SAMSN1: variants seen among roughly 807,000 people sequenced by gnomAD.
SAMSN1 encodes the protein SAM domain-containing protein SAMSN-1.
In SAMSN1, 31 loss-of-function variants were observed where a neutral mutation model predicts 42.0. The ratio of observed to expected loss-of-function variants is 0.74; its 90% CI spans 0.55 to 1.00. The LOEUF (loss-of-function observed/expected upper bound fraction) is 1.00. Ranked by LOEUF, SAMSN1 falls within the 50% of genes least tolerant of loss-of-function variation. SAMSN1 has a pLI of 0.00. For missense variants in SAMSN1, 464 were observed against 439.4 expected (o/e 1.06, Z -0.50); for synonymous variants, 178 against 151.9 (o/e 1.17, Z -1.26).
intron 2 of SAMSN1, among the ~76,000 whole-genome samples, chr21:14,622,983 A>C (rs1395632447): frequency 6.6e-6 from 1 of 152,256 alleles, no homozygotes; most frequent in African/African-American, 2.4e-5. Context: ...CTTAAAGAAA[A>C]GAATTTTCAA....
At chr21:14,493,781 AC>A (rs1986796501) in intron 7 of SAMSN1, among the ~76,000 whole-genome samples, 2 of 152,158 alleles carry the variant, frequency 1.3e-5, no homozygotes, top group South Asian at 4.2e-4. Context: ...TCTCCCTATA[AC>A]CTTATCTAGA....
rs376140858 is a variant in SAMSN1 at position 14,616,809 on chromosome 21, GA to G, written c.157-794del. Among the ~76,000 whole-genome samples, 116 of 152,220 alleles carry G rather than the reference GA, an allele frequency of 7.6e-4. 1 individual carries two copies. In the South Asian group the frequency reaches 8.1e-3, roughly 11 times the overall value. ...CAACGAATATTCCACTTTTGAGGGG[GA>G]AAAACACAAATGCTAAGGCTAAAAG... On this transcript the variant is annotated intron_variant, in intron 2 of 15. Coordinates refer to the SAMSN1 transcript ENST00000647101.
intron 5 of SAMSN1, among the ~76,000 whole-genome samples, chr21:14,509,397 T>G: frequency 6.6e-6 from 1 of 152,150 alleles, no homozygotes. Context: ...TTTGGGGACT[T>G]GGGGAAAGGG....
At chr21:14,611,534 A>G (rs543965812) in intron 4 of SAMSN1, among the ~76,000 whole-genome samples, 1 of 152,356 alleles carries the variant, frequency 6.6e-6, no homozygotes, top group South Asian at 2.1e-4. Flanking sequence ...ATCATCAAGA[A>G]CTGTGTTAGG....
At chr21:14,550,173 G>C (rs1299933983), upstream of SAMSN1, among the ~76,000 whole-genome samples, 1 of 151,962 alleles carries the variant, frequency 6.6e-6, no homozygotes, top group African/African-American at 2.4e-5. Flanking sequence ...TATTCCCCCT[G>C]GCCTATGGGA....
rs191310090 is a variant in SAMSN1, at chr21:14,622,317, C to T, written c.157-6301G>A. Among the ~76,000 whole-genome samples, 59 of 152,298 alleles carry T rather than the reference C, an allele frequency of 3.9e-4. 1 individual carries two copies. The highest frequency in any genetic ancestry group is 1.4e-3 in the African/African-American group (57 of 41,570). On this transcript the variant is annotated intron_variant, in intron 2 of 15. Coordinates refer to the SAMSN1 transcript ENST00000647101. Reference sequence around the variant, plus strand: ...GAGAAGAAGGCTTCAGATGATCAAACTTCTCCGAGCTAAAGGAAGAAGTTT... The same window carrying T: ...GAGAAGAAGGCTTCAGATGATCAAATTTCTCCGAGCTAAAGGAAGAAGTTT...
At chr21:14,617,022 A>G (rs559076680) in intron 2 of SAMSN1, among the ~76,000 whole-genome samples, 1 of 152,190 alleles carries the variant, frequency 6.6e-6, no homozygotes, top group East Asian at 1.9e-4. Flanking sequence ...TGAATTTTTT[A>G]TTTTCCTAGT....
intron 2 of SAMSN1, among the ~76,000 whole-genome samples, chr21:14,574,903 T>C (rs1981410768): frequency 6.6e-6 from 1 of 152,200 alleles, no homozygotes. Context: ...AAAATGTGTT[T>C]GCATGTCTGG....
intron 3 of SAMSN1, 86 bp from the exon 4 acceptor site, chr21:14,512,659 T>C (rs1296544826): frequency 1.9e-5 from 24 of 1,231,530 alleles, no homozygotes; most frequent in Non-Finnish European, 2.7e-5. Context: ...TAGACACATA[T>C]TTTAGCAATA....
intron 6 of SAMSN1, among the ~76,000 whole-genome samples, chr21:14,594,430 G>A (rs2123281268): frequency 6.6e-6 from 1 of 152,228 alleles, no homozygotes; most frequent in Admixed American, 6.6e-5. Flanking sequence ...AAGGGTTGGT[G>A]GAAAGGGGGG....
At chr21:14,486,818 A>G (rs1260075130) in intron 7 of SAMSN1, among the ~76,000 whole-genome samples, 1 of 152,164 alleles carries the variant, frequency 6.6e-6, no homozygotes, top group African/African-American at 2.4e-5. Context: ...TTATTTTCAG[A>G]TTGATAATTC....
At chr21:14,500,340 A>G (rs1483322189) in intron 6 of SAMSN1, among the ~76,000 whole-genome samples, 189 bp downstream of exon 6, 2 of 152,184 alleles carry the variant, frequency 1.3e-5, no homozygotes, top group African/African-American at 4.8e-5. Flanking sequence ...AGTCCAAGGG[A>G]TATTATATCA....
At chr21:14,542,801 G>C (rs1250463600) in intron 1 of SAMSN1, among the ~76,000 whole-genome samples, 2 of 152,098 alleles carry the variant, frequency 1.3e-5, no homozygotes, top group African/African-American at 4.8e-5. Flanking sequence ...AAAATTAGCT[G>C]GGCTGGTGGC....
chr21:14,566,789 C>T (rs559995212), intron 2 of SAMSN1, among the ~76,000 whole-genome samples: 8 of 152,086 alleles, frequency 5.3e-5, no homozygotes, highest in Non-Finnish European at 1.2e-4. Context: ...CTGCCCACCT[C>T]GGCCTCCCAA....
chr21:14,553,580 G>C (rs771998642), intron 2 of SAMSN1, among the ~76,000 whole-genome samples: 2 of 152,026 alleles, frequency 1.3e-5, no homozygotes, highest in Admixed American at 6.6e-5. Context: ...CTTTTTGTCT[G>C]TTCTCTCATT....
At chr21:14,577,284 A>ATATATATTT (rs1460040142) in intron 2 of SAMSN1, among the ~76,000 whole-genome samples, 5 of 53,860 alleles carry the variant, frequency 9.3e-5, no homozygotes, top group South Asian at 6.3e-4. Context: ...ATATATATAT[A>ATATATATTT]TTTTTTTTTT....
intron 2 of SAMSN1, among the ~76,000 whole-genome samples, chr21:14,563,029 G>A (rs1980995894): frequency 6.6e-6 from 1 of 152,060 alleles, no homozygotes; most frequent in Non-Finnish European, 1.5e-5. Flanking sequence ...AATTGAGTAT[G>A]TTTTCAGTAT....
intron 2 of SAMSN1, among the ~76,000 whole-genome samples, chr21:14,563,026 T>C (rs1030059115): frequency 1.1e-4 from 17 of 152,160 alleles, no homozygotes; most frequent in Admixed American, 5.2e-4. Context: ...AAAAATTGAG[T>C]ATGTTTTCAG....
upstream of SAMSN1, among the ~76,000 whole-genome samples, chr21:14,585,709 A>G (rs1445036948): frequency 1.3e-5 from 2 of 152,196 alleles, no homozygotes; most frequent in African/African-American, 2.4e-5. Context: ...TAAAAATCCT[A>G]TGTGCCTAGG....
Sources: allele counts gnomAD v4.1 joint callset (sites outside exome capture counted in the v4.1 genomes callset), GRCh38; gene constraint gnomAD v4.1.1; transcripts MANE v1.5; gene names NCBI Gene and HGNC (gene_info 2026-07-23, HGNC 2026-07-21).